The following KLHL3 variants were observed in gnomAD, a reference collection of about 807,000 sequenced individuals.
KLHL3 encodes kelch-like protein 3.
In KLHL3, 19 loss-of-function variants were observed where a neutral mutation model predicts 70.5. The ratio of observed to expected loss-of-function variants is 0.27; its 90% CI spans 0.19 to 0.40. KLHL3 has a LOEUF of 0.40. Ranked by LOEUF, KLHL3 falls within the 10% of genes least tolerant of loss-of-function variation. KLHL3 has a pLI of 1.00. For synonymous variants in KLHL3, 258 were observed against 290.3 expected (o/e 0.89, Z 1.13); for missense variants, 512 against 771.1 (o/e 0.66, Z 3.98).
chr5:137,735,594 C>T (rs758744133), intron 1 of KLHL3, 39 bp downstream of exon 1: 13 of 1,499,856 alleles, frequency 8.7e-6, no homozygotes, highest in East Asian at 6.8e-5. Flanking sequence ...CATACACTTA[C>T]ATACACACAC....
chr5:137,647,558 T>TGGG (rs1293869372), intron 8 of KLHL3: 1 of 472,108 alleles, frequency 2.1e-6, no homozygotes, highest in Non-Finnish European at 4.4e-6. Flanking sequence ...ACCGGTGAGC[T>TGGG]GGGCAGAAGG....
At chr5:137,726,787 A>T (rs1405272145) in intron 1 of KLHL3, among the ~76,000 whole-genome samples, 1 of 152,212 alleles carries the variant, frequency 6.6e-6, no homozygotes, top group Non-Finnish European at 1.5e-5. Flanking sequence ...CTCTACCTGA[A>T]GACCCTTCAC....
At chr5:137,728,983 A>G (rs1352941443) in intron 1 of KLHL3, among the ~76,000 whole-genome samples, 2 of 151,424 alleles carry the variant, frequency 1.3e-5, no homozygotes, top group East Asian at 3.8e-4. Flanking sequence ...TAAAAGTTAA[A>G]AAAAAAAAAA....
intron 5 of KLHL3, among the ~76,000 whole-genome samples, chr5:137,682,062 C>T (rs967725216): frequency 6.6e-6 from 1 of 151,766 alleles, no homozygotes; most frequent in Non-Finnish European, 1.5e-5. Context: ...GTCTCGGAGA[C>T]AGTTGAGGCC....
At chr5:137,638,932 G>T in intron 10 of KLHL3, 21 bp downstream of exon 10, 1 of 1,608,160 alleles carries the variant, frequency 6.2e-7, no homozygotes, top group East Asian at 2.2e-5. Flanking sequence ...AGGAGGGGTT[G>T]GGAACACACC....
chr5:137,622,026 C>T lies in KLHL3; in HGVS notation c.*72G>A. The T allele has an allele frequency of 3.9e-6, 6 of 1,534,804 alleles. No homozygotes were observed. The highest frequency in any genetic ancestry group is 5.4e-6 in the Non-Finnish European group (6 of 1,107,682). On this transcript the variant is annotated 3_prime_UTR_variant, in exon 15 of 15. Transcript: ENST00000309755. ...CTCCCAAGCAAGTTGAATCCAGTCA[C>T]CAAGGTCCTGCTGTTCAGAGTCACA...
At chr5:137,631,537 T>C (rs1242370197) in intron 12 of KLHL3, among the ~76,000 whole-genome samples, 1 of 152,184 alleles carries the variant, frequency 6.6e-6, no homozygotes, top group East Asian at 1.9e-4. Context: ...TGAAGACTTG[T>C]CCTACTACTT....
At chr5:137,709,066 A>G (rs376441332) in intron 3 of KLHL3, among the ~76,000 whole-genome samples, 2 of 152,230 alleles carry the variant, frequency 1.3e-5, no homozygotes, top group South Asian at 4.1e-4. Flanking sequence ...AGGTAATTCA[A>G]TCTCAGAACT....
At chr5:137,650,200 C>A (rs1751165746) in intron 8 of KLHL3, among the ~76,000 whole-genome samples, 3 of 152,162 alleles carry the variant, frequency 2.0e-5, no homozygotes, top group Admixed American at 2.0e-4. Context: ...TTTTCTCCTG[C>A]AGTCACCTGA....
chr5:137,655,851 T>C (rs1160499007), intron 8 of KLHL3, among the ~76,000 whole-genome samples: 1 of 151,440 alleles, frequency 6.6e-6, no homozygotes, highest in Non-Finnish European at 1.5e-5. Context: ...ATTAGCTGGG[T>C]GTGTTGGCAC....
chr5:137,648,120 G>A (rs923669416), intron 8 of KLHL3, among the ~76,000 whole-genome samples: 1 of 152,214 alleles, frequency 6.6e-6, no homozygotes. Flanking sequence ...AGGTAGAAAA[G>A]GATACTATGA....
rs138942924 is a variant in KLHL3 at position 137,662,240 on chromosome 5, T to TAC, written c.637-211_637-210dup. Reference sequence around the variant, plus strand: ...TCAGAGAGTGATCACACACACACTCTACACACACACACACACACACACACA... The same window carrying TAC: ...TCAGAGAGTGATCACACACACACTCTACACACACACACACACACACACACACA... On this transcript the variant is annotated intron_variant, in intron 6 of 14. Transcript: ENST00000309755. Among the ~76,000 whole-genome samples the TAC allele has an allele frequency of 0.095, 13,497 of 141,702 alleles. 682 individuals are homozygous for TAC. The highest frequency in any genetic ancestry group is 0.13 in the East Asian group (603 of 4,750). 93.0% of individuals were successfully genotyped at this position (141,702 alleles called of 152,430 possible).
chr5:137,700,230 A>G (rs1330103157), intron 3 of KLHL3, among the ~76,000 whole-genome samples: 1 of 152,266 alleles, frequency 6.6e-6, no homozygotes, highest in Non-Finnish European at 1.5e-5. Context: ...AAAAACATGC[A>G]TACACAAGGA....
At chr5:137,653,878 A>C (rs1751273002) in intron 8 of KLHL3, among the ~76,000 whole-genome samples, 1 of 152,230 alleles carries the variant, frequency 6.6e-6, no homozygotes, top group Admixed American at 6.5e-5. Flanking sequence ...TGAATAAACT[A>C]TGGTCCATCC....
At chr5:137,724,931 C>T in intron 1 of KLHL3, 1 of 426,520 alleles carries the variant, frequency 2.3e-6, no homozygotes, top group Non-Finnish European at 3.1e-6. Flanking sequence ...CCTATACCCT[C>T]CAGCAATATA....
chr5:137,663,845 C>T (rs1751547797), intron 6 of KLHL3, among the ~76,000 whole-genome samples: 1 of 152,008 alleles, frequency 6.6e-6, no homozygotes, highest in Non-Finnish European at 1.5e-5. Flanking sequence ...ATATTTGGGA[C>T]AATTTAAATA....
intron 13 of KLHL3, chr5:137,627,992 G>A (rs753300463): frequency 1.2e-5 from 4 of 329,170 alleles, no homozygotes; most frequent in South Asian, 1.2e-4. Context: ...GTTGGGCAGC[G>A]GGCACTGATG....
intron 6 of KLHL3, among the ~76,000 whole-genome samples, chr5:137,676,794 C>T (rs1471491879): frequency 6.6e-6 from 1 of 152,162 alleles, no homozygotes; most frequent in African/African-American, 2.4e-5. Context: ...ACCTGCTGGC[C>T]AACACTGAAG....
intron 6 of KLHL3, among the ~76,000 whole-genome samples, chr5:137,666,950 A>G (rs1403256993): frequency 6.6e-6 from 1 of 152,148 alleles, no homozygotes; most frequent in African/African-American, 2.4e-5. Context: ...CCAGAACTAA[A>G]AAGAAGCAGA....
Sources: allele counts gnomAD v4.1 joint callset (sites outside exome capture counted in the v4.1 genomes callset), GRCh38; gene constraint gnomAD v4.1.1; transcripts MANE v1.5; gene names NCBI Gene and HGNC (gene_info 2026-07-23, HGNC 2026-07-21).